NCF4: variants seen among roughly 807,000 people sequenced by gnomAD.
NCF4 encodes the protein neutrophil cytosolic factor 4, also known as neutrophil cytosol factor 4.
NCF4 carries 30 observed loss-of-function variants against 41.7 expected under a neutral mutation model. The ratio of observed to expected loss-of-function variants is 0.72; its 90% confidence interval spans 0.54 to 0.97. The LOEUF (loss-of-function observed/expected upper bound fraction) is 0.97. Among genes scored for constraint, NCF4 ranks in the 50% least tolerant of loss-of-function variants. NCF4 has a pLI of 0.00. For synonymous variants in NCF4, 195 were observed against 175.8 expected, an observed-to-expected ratio of 1.11 and a Z score of -0.87; for missense variants, 432 against 460.9, an observed-to-expected ratio of 0.94 and a Z score of 0.57.
intron 4 of NCF4, among the ~76,000 whole-genome samples, chr22:36,869,530 C>T (rs187192428): frequency 3.2e-4 from 48 of 152,284 alleles, no homozygotes; most frequent in Non-Finnish European, 5.9e-4. Context: ...CAAAGTTCCC[C>T]GACCCCACCT....
Position 36,864,952 on chromosome 22 carries a change from TCCAAGTA to T in NCF4, c.154_160del (p.Lys52SerfsTer44), listed in dbSNP as rs1282571591. ...CATCGAGGTGAAGACAAAAGGAGGA[TCCAAGTA>T]CCTCATCTACCGCCGCTACCGCCAG... is the stretch of plus-strand genomic sequence containing the variant. On this transcript the variant is annotated frameshift_variant, in exon 3 of 10. Coordinates refer to ENST00000248899, the MANE Select transcript of NCF4 (RefSeq NM_000631.5). LOFTEE classifies it high-confidence loss of function. 1 of 1,613,966 alleles carries T rather than the reference TCCAAGTA, an allele frequency of 6.2e-7. No individual in the cohort carries two copies. The highest frequency in any genetic ancestry group is 1.1e-5 in the South Asian group (1 of 91,072).
intron 7 of NCF4, 126 bp downstream of exon 7, chr22:36,872,551 T>TTGGAGGTGAGGA: frequency 3.9e-6 from 3 of 762,094 alleles, no homozygotes; most frequent in Non-Finnish European, 6.5e-6. Context: ...GGAGGTGAGA[T>TTGGAGGTGAGGA]TGGAGGTGAG....
chr22:36,876,409 C>T (rs527468391), intron 9 of NCF4, among the ~76,000 whole-genome samples: 1 of 152,300 alleles, frequency 6.6e-6, no homozygotes, highest in South Asian at 2.1e-4. Flanking sequence ...TCACTACCCC[C>T]CCAGGTCCAG....
intron 9 of NCF4, among the ~76,000 whole-genome samples, chr22:36,876,540 CA>C (rs1940198115): frequency 6.6e-6 from 1 of 152,176 alleles, no homozygotes; most frequent in African/African-American, 2.4e-5. Context: ...CAGAAAGATA[CA>C]AAGAAGTGAA....
intron 7 of NCF4, among the ~76,000 whole-genome samples, chr22:36,875,199 TG>T (rs2145725767): frequency 6.6e-6 from 1 of 152,130 alleles, no homozygotes; most frequent in East Asian, 1.9e-4. Flanking sequence ...TTGGCTAATT[TG>T]TATATGTTTA....
At chr22:36,871,599 G>T in intron 5 of NCF4, 53 bp from the exon 6 acceptor site, 1 of 1,540,638 alleles carries the variant, frequency 6.5e-7, no homozygotes, top group South Asian at 1.2e-5. Flanking sequence ...GGAGCAGGAA[G>T]CTGGGCCCTG....
At position 36,867,433 on chromosome 22, in the gene NCF4, C is replaced by A; in HGVS notation, c.313C>A (p.Arg105=). 1 of 1,614,146 alleles carries A rather than the reference C, an allele frequency of 6.2e-7. No homozygotes were observed. The change falls in exon 4 of 10, where the codon CGG becomes AGG. Residue 105 remains arginine, a synonymous_variant. Coordinates refer to ENST00000248899, the MANE Select transcript of NCF4 (RefSeq NM_000631.5). ...VGVKQEIAEM[R]IPALNAYMKS... ...TGTGAAACAGGAGATCGCCGAGATG[C>A]GGATACCTGCCCTCAACGCCTACAT...
At chr22:36,871,513 G>T in intron 5 of NCF4, 139 bp from the exon 6 acceptor site, 1 of 928,372 alleles carries the variant, frequency 1.1e-6, no homozygotes. Context: ...GCCCAGAGGA[G>T]CAATTGCAGC....
intron 3 of NCF4, among the ~76,000 whole-genome samples, chr22:36,866,124 C>T (rs1298270184): frequency 1.3e-5 from 2 of 152,212 alleles, no homozygotes. Flanking sequence ...TTACAAGCCT[C>T]CCTGAGCCTC....
chr22:36,862,034 G>A (rs1381738237), intron 1 of NCF4, among the ~76,000 whole-genome samples: 1 of 152,228 alleles, frequency 6.6e-6, no homozygotes, highest in Non-Finnish European at 1.5e-5. Context: ...GGGGCTTGGA[G>A]CACGGCCTCA....
In NCF4 at chr22:36,875,147, C is replaced by T. The variant is rs34945923; in HGVS notation, c.628-506C>T. On this transcript the variant is annotated intron_variant, in intron 7 of 9. Coordinates refer to ENST00000248899, the MANE Select transcript of NCF4 (RefSeq NM_000631.5). ...CAGGTTCAAGTGATTCTCCTGCTTC[C>T]GCCTCCCGAGTAGCTGGGATTACAG... Among the ~76,000 whole-genome samples, 1,100 of 152,138 alleles carry T rather than the reference C, an allele frequency of 7.2e-3. 10 individuals are homozygous for T. The highest frequency in any genetic ancestry group is 0.025 in the African/African-American group (1,033 of 41,502).
intron 8 of NCF4, 121 bp from the exon 9 acceptor site, chr22:36,875,908 C>A (rs772986521): frequency 1.6e-5 from 26 of 1,614,204 alleles, no homozygotes; most frequent in Non-Finnish European, 2.1e-5. Context: ...CCAGATGAGC[C>A]ACAATGCTGT....
rs1939899728 is a variant in NCF4 at position 36,865,214 on chromosome 22, G to A, written c.271+142G>A. 2 of 1,289,846 alleles carry A rather than the reference G, an allele frequency of 1.6e-6. No individual in the cohort carries two copies. The allele number at this position is 1,289,846 out of a possible 1,614,324, so 79.9% of individuals were successfully genotyped here. Reference sequence around the variant, plus strand: ...ATAGCCCCCACTCCCGGCAGTTACAGGCTGCCAAGCCCTCCCTGCATGGCT... The same window carrying A: ...ATAGCCCCCACTCCCGGCAGTTACAAGCTGCCAAGCCCTCCCTGCATGGCT... On this transcript the variant is annotated intron_variant, in intron 3 of 9. Transcript: ENST00000248899. The surrounding 1 kb of genome is among the most constrained non-coding windows in gnomAD (Gnocchi z 4.3).
chr22:36,864,561 C>G (rs1939876650), intron 2 of NCF4, among the ~76,000 whole-genome samples: 1 of 152,196 alleles, frequency 6.6e-6, no homozygotes, highest in Admixed American at 6.5e-5. Flanking sequence ...CATCCTGCAC[C>G]CACAGCACAG....
Position 36,872,425 on chromosome 22 carries a change from G to T in NCF4, c.627G>T (p.Glu209Asp). 5 of 1,599,850 alleles carry T rather than the reference G, an allele frequency of 3.1e-6. No individual in the cohort carries two copies. The highest frequency in any genetic ancestry group is 3.4e-6 in the Non-Finnish European group (4 of 1,167,018). The change falls in exon 7 of 10, where the codon GAG (glutamate) becomes GAT (aspartate). Residue 209 changes from glutamate to aspartate, a missense_variant and splice_region_variant. By Grantham distance (45) the Glu-to-Asp change is conservative (BLOSUM62 2). Coordinates refer to ENST00000248899, the MANE Select transcript of NCF4 (RefSeq NM_000631.5). ...LLSRINKDWL[E>D]GTVRGATGIF... The stretch of plus-strand genomic sequence containing the variant: ...GTCGGATCAACAAAGACTGGCTGGA[G>T]GTGAGTTCAGAAGTGAGGATGGAGG...
At chr22:36,876,119 G>T in intron 9 of NCF4, 25 bp downstream of exon 9, 1 of 1,582,248 alleles carries the variant, frequency 6.3e-7, no homozygotes, top group Non-Finnish European at 8.6e-7. Flanking sequence ...ATGGGGCTGG[G>T]GAGTTAGATA....
chr22:36,871,998 C>A, intron 6 of NCF4: 1 of 636,474 alleles, frequency 1.6e-6, no homozygotes. Flanking sequence ...CTGCCTTAGG[C>A]ATGGAAGCTG....
chr22:36,875,806 G>A lies in NCF4; in HGVS notation c.758+23G>A, dbSNP rs1354303279. Reference sequence around the variant, plus strand: ...CAAGTCTGTGGCCTGGGAGGGAGGGGCCTGTCCAGCCTTCCTGCCATCCCT... The same window carrying A: ...CAAGTCTGTGGCCTGGGAGGGAGGGACCTGTCCAGCCTTCCTGCCATCCCT... On this transcript the variant is annotated intron_variant, in intron 8 of 9. Coordinates refer to ENST00000248899, the MANE Select transcript of NCF4 (RefSeq NM_000631.5). 2 of 1,613,974 alleles carry A rather than the reference G, an allele frequency of 1.2e-6. No homozygotes were observed. Among genetic ancestry groups the A allele is most frequent in the Non-Finnish European group, 1.7e-6 (2 of 1,180,020 alleles).
chr22:36,867,210 C>A (rs1939948564), intron 3 of NCF4, among the ~76,000 whole-genome samples, 182 bp from the exon 4 acceptor site: 1 of 151,118 alleles, frequency 6.6e-6, no homozygotes, highest in Admixed American at 6.6e-5. Flanking sequence ...GATAGCACAA[C>A]TGAGAGGATG....
Sources: gnomAD v4.1 joint callset for allele counts (sites outside exome capture counted in the v4.1 genomes callset) on GRCh38, gnomAD v4.1.1 for gene constraint, Gnocchi (gnomAD v3.1) non-coding constraint, MANE v1.5 for transcripts, NCBI Gene and HGNC (gene_info 2026-07-23, HGNC 2026-07-21) for gene names.